The following GALNTL6 variants were observed in gnomAD, a reference collection of about 807,000 sequenced individuals.
GALNTL6 encodes the protein polypeptide N-acetylgalactosaminyltransferase like 6, also known as polypeptide N-acetylgalactosaminyltransferase-like 6.
GALNTL6 carries 46 observed loss-of-function variants against 73.7 expected under a neutral mutation model. That is an observed-to-expected ratio of 0.62 (90% CI 0.49 to 0.80). The LOEUF (loss-of-function observed/expected upper bound fraction) is 0.80. Ranked by LOEUF, GALNTL6 falls within the 30% of genes least tolerant of loss-of-function variation. GALNTL6 has a pLI of 0.00. For missense variants in GALNTL6, 604 were observed against 755.0 expected (o/e 0.80, Z 2.34); for synonymous variants, 259 against 263.7 (o/e 0.98, Z 0.17).
chr4:172,211,942 G>A (rs1736336292), intron 2 of GALNTL6, among the ~76,000 whole-genome samples: 1 of 152,102 alleles, frequency 6.6e-6, no homozygotes, highest in Non-Finnish European at 1.5e-5. Flanking sequence ...GGTATTAGGT[G>A]CCAACATATG....
At chr4:172,595,445 G>GA (rs1209059028) in intron 5 of GALNTL6, among the ~76,000 whole-genome samples, 1 of 152,004 alleles carries the variant, frequency 6.6e-6, no homozygotes, top group Non-Finnish European at 1.5e-5. Context: ...AGAAGCTATT[G>GA]AACCCATCTA....
intron 7 of GALNTL6, among the ~76,000 whole-genome samples, chr4:172,837,108 T>G (rs1237175804): frequency 6.6e-6 from 1 of 152,134 alleles, no homozygotes; most frequent in African/African-American, 2.4e-5. Context: ...CCAAAAACAA[T>G]AGGCAAAATG....
At chr4:172,238,869 T>A (rs1461928756) in intron 3 of GALNTL6, among the ~76,000 whole-genome samples, 1 of 152,184 alleles carries the variant, frequency 6.6e-6, no homozygotes, top group Admixed American at 6.5e-5. Context: ...TATATAGTTT[T>A]TATTTATAGT....
chr4:172,945,852 T>C (rs1351074860), intron 9 of GALNTL6, among the ~76,000 whole-genome samples: 2 of 152,140 alleles, frequency 1.3e-5, no homozygotes, highest in African/African-American at 4.8e-5. Flanking sequence ...GTAGTGAGGT[T>C]GGGGCTGCCT....
At chr4:172,824,375 TGA>T (rs58885321) in intron 7 of GALNTL6, among the ~76,000 whole-genome samples, 39,682 of 149,960 alleles carry the variant, frequency 0.26, 6,999 homozygotes, top group African/African-American at 0.5. Flanking sequence ...TGTGTGTGTG[TGA>T]GTGTGTGTGT....
At chr4:172,749,326 T>C (rs916671124) in intron 5 of GALNTL6, among the ~76,000 whole-genome samples, 9 of 152,292 alleles carry the variant, frequency 5.9e-5, no homozygotes, top group Admixed American at 1.3e-4. Context: ...TTATCAGCTA[T>C]AATATTTAAA....
At chr4:171,929,419 A>G (rs1023896987) in intron 2 of GALNTL6, among the ~76,000 whole-genome samples, 1 of 152,146 alleles carries the variant, frequency 6.6e-6, no homozygotes. Flanking sequence ...CTCCCTCAAG[A>G]ATATCTTGGT....
chr4:172,878,729 G>T (rs929724532), intron 7 of GALNTL6, among the ~76,000 whole-genome samples: 2 of 151,670 alleles, frequency 1.3e-5, no homozygotes, highest in Non-Finnish European at 3.0e-5. Flanking sequence ...GAAACAACAG[G>T]TGAGACAAAT....
intron 2 of GALNTL6, among the ~76,000 whole-genome samples, chr4:171,903,845 T>C (rs562153620): frequency 4.2e-4 from 64 of 151,612 alleles, no homozygotes; most frequent in South Asian, 1.9e-3. Context: ...CCCTGACCCC[T>C]GAGCAGCCTA....
At chr4:172,576,348 C>A (rs1245179076) in intron 5 of GALNTL6, among the ~76,000 whole-genome samples, 1 of 152,094 alleles carries the variant, frequency 6.6e-6, no homozygotes, top group African/African-American at 2.4e-5. Flanking sequence ...CTATGATATC[C>A]TTCATCATAA....
chr4:172,888,368 G>T (rs1391060268), intron 8 of GALNTL6, among the ~76,000 whole-genome samples: 1 of 152,102 alleles, frequency 6.6e-6, no homozygotes, highest in East Asian at 1.9e-4. Context: ...TTTGTATATG[G>T]TGAGAAGTAG....
intron 2 of GALNTL6, among the ~76,000 whole-genome samples, chr4:172,033,045 G>A (rs1200004191): frequency 1.3e-5 from 2 of 151,846 alleles, no homozygotes; most frequent in Non-Finnish European, 2.9e-5. Flanking sequence ...TGACTACCTA[G>A]GTATGACAAG....
chr4:172,892,035 A>G (rs73870310), intron 8 of GALNTL6, among the ~76,000 whole-genome samples: 3,643 of 152,190 alleles, frequency 0.024, 109 homozygotes, highest in African/African-American at 0.064. Flanking sequence ...GCTTCCGTGC[A>G]TTGGCTTTCA....
chr4:171,871,232 T>C (rs1284910626), intron 2 of GALNTL6, among the ~76,000 whole-genome samples: 2 of 151,392 alleles, frequency 1.3e-5, no homozygotes, highest in African/African-American at 4.9e-5. Flanking sequence ...ATGTTTTTCC[T>C]ATACATACCT....
Position 172,468,268 on chromosome 4 carries a change from T to A in GALNTL6, c.553+119579T>A, listed in dbSNP as rs116048742. Among the ~76,000 whole-genome samples, 1,416 of 152,306 alleles carry A rather than the reference T, an allele frequency of 9.3e-3. 22 individuals are homozygous for A. The highest frequency in any genetic ancestry group is 0.032 in the African/African-American group (1,335 of 41,566). On this transcript the variant is annotated intron_variant, in intron 5 of 12. Transcript: ENST00000506823. Reference sequence around the variant, plus strand: ...ATGACAATTTTATTGAATCATTTTTTAAAAACTATCTATGAAATCCCCATC... The same window carrying A: ...ATGACAATTTTATTGAATCATTTTTAAAAAACTATCTATGAAATCCCCATC...
At chr4:172,640,048 G>C (rs1379861216) in intron 5 of GALNTL6, among the ~76,000 whole-genome samples, 2 of 151,994 alleles carry the variant, frequency 1.3e-5, no homozygotes, top group East Asian at 3.9e-4. Flanking sequence ...TTCAGAAATT[G>C]TTTTCAATGG....
At chr4:171,908,488 C>T (rs1394945590) in intron 2 of GALNTL6, among the ~76,000 whole-genome samples, 2 of 152,114 alleles carry the variant, frequency 1.3e-5, no homozygotes, top group East Asian at 3.9e-4. Flanking sequence ...ATTAAAAAGG[C>T]AGGAAACAAG....
chr4:172,084,068 CAA>C (rs1282222110), intron 2 of GALNTL6, among the ~76,000 whole-genome samples: 1 of 152,050 alleles, frequency 6.6e-6, no homozygotes, highest in East Asian at 1.9e-4. Flanking sequence ...TCATAGGAAA[CAA>C]GAGGAAGTTT....
chr4:172,819,090 AG>A (rs1741781411), intron 7 of GALNTL6, among the ~76,000 whole-genome samples: 1 of 152,346 alleles, frequency 6.6e-6, no homozygotes, highest in African/African-American at 2.4e-5. Flanking sequence ...CATGGGCCAA[AG>A]GTGAGATCCT....
Sources: gnomAD v4.1 joint callset for allele counts (sites outside exome capture counted in the v4.1 genomes callset) on GRCh38, gnomAD v4.1.1 for gene constraint, MANE v1.5 for transcripts, NCBI Gene and HGNC (gene_info 2026-07-23, HGNC 2026-07-21) for gene names.